The following OC90 variants were observed in gnomAD, a reference collection of about 807,000 sequenced individuals.
OC90 encodes otoconin-90.
Under a neutral mutation model 47.3 loss-of-function variants are expected in OC90, and 46 were observed. The ratio of observed to expected loss-of-function variants is 0.97; its 90% CI spans 0.77 to 1.24. OC90 has a LOEUF of 1.24. Among genes scored for constraint, OC90 ranks in the 50% most tolerant of loss-of-function variants. The pLI is 0.00. For synonymous variants in OC90, 271 were observed against 219.5 expected, an observed-to-expected ratio of 1.23 and a Z score of -2.07; for missense variants, 688 against 583.9, an observed-to-expected ratio of 1.18 and a Z score of -1.84.
At position 132,032,066 on chromosome 8, in the gene OC90, G is replaced by A; in HGVS notation, c.860-14C>T. 1.9e-6 allele frequency: 3 copies of A among 1,612,134 alleles called. No homozygotes were observed. Among genetic ancestry groups the A allele is most frequent in the South Asian group, 1.1e-5 (1 of 90,748 alleles). ...ATCTGTCACAGGCTGAAAGGAACAGGAATTGTCAGGAGAGCAAGGACTGTC... is the reference window on the plus strand; with the variant it reads ...ATCTGTCACAGGCTGAAAGGAACAGAAATTGTCAGGAGAGCAAGGACTGTC... On this transcript the variant is annotated splice_polypyrimidine_tract_variant and intron_variant, in intron 11 of 13. Coordinates refer to ENST00000254627, the MANE Select transcript of OC90 (RefSeq NM_001080399.3).
At chr8:132,046,333 C>A (rs1174236926) in intron 2 of OC90, among the ~76,000 whole-genome samples, 1 of 152,154 alleles carries the variant, frequency 6.6e-6, no homozygotes, top group Non-Finnish European at 1.5e-5. Context: ...GGGATGCAGA[C>A]TCCGTAAACA....
intron 2 of OC90, among the ~76,000 whole-genome samples, chr8:132,048,387 G>A (rs977745243): frequency 4.0e-5 from 6 of 151,842 alleles, no homozygotes; most frequent in Non-Finnish European, 5.9e-5. Flanking sequence ...TCCACAGAAG[G>A]AACTGAGAGC....
intron 2 of OC90, among the ~76,000 whole-genome samples, chr8:132,050,498 T>A (rs2130863463): frequency 6.6e-6 from 1 of 152,268 alleles, no homozygotes; most frequent in Non-Finnish European, 1.5e-5. Flanking sequence ...CACCTCTGCC[T>A]TAAGGATTCT....
In OC90 at chr8:132,043,840, T is replaced by C. The variant is rs1328703803; in HGVS notation, c.169+593A>G. ...TATACAAACAGTTTAAGCACAGCCTTATGCCCAGCATGGCCCGACCCAAAA... is the reference window on the plus strand; with the variant it reads ...TATACAAACAGTTTAAGCACAGCCTCATGCCCAGCATGGCCCGACCCAAAA... On this transcript the variant is annotated intron_variant, in intron 4 of 13. Transcript: ENST00000254627. 3.3e-5 allele frequency among the ~76,000 whole-genome samples: 5 copies of C among 152,378 alleles called. No individual in the cohort carries two copies. In the East Asian group the frequency reaches 7.7e-4, roughly 24 times the overall value.
At chr8:132,057,650 T>C (rs1220532478) in intron 1 of OC90, among the ~76,000 whole-genome samples, 2 of 152,248 alleles carry the variant, frequency 1.3e-5, no homozygotes, top group Admixed American at 1.3e-4. Context: ...GTCAATATTA[T>C]GTATATTTTA....
chr8:132,034,854 G>A lies in OC90; in HGVS notation c.680-20C>T, dbSNP rs1370477346. ...CTGCTTCTGTTCCCCAAAGAAGAGA[G>A]ACAGCATGAGCATCCACCCCAGCCT... On this transcript the variant is annotated intron_variant, in intron 9 of 13. Transcript: ENST00000254627. 2 of 1,605,002 alleles carry A rather than the reference G, an allele frequency of 1.2e-6. No individual in the cohort carries two copies. Among genetic ancestry groups the A allele is most frequent in the South Asian group, 1.1e-5 (1 of 90,620 alleles).
intron 6 of OC90, 114 bp downstream of exon 6, chr8:132,040,930 G>A (rs1284720789): frequency 2.8e-6 from 2 of 711,152 alleles, no homozygotes; most frequent in African/African-American, 1.7e-5. Flanking sequence ...CAACGATGCT[G>A]CCAGTGGTGA....
chr8:132,041,736 G>A (rs148019923), intron 4 of OC90, 37 bp from the exon 5 acceptor site: 10 of 1,368,444 alleles, frequency 7.3e-6, no homozygotes, highest in Non-Finnish European at 1.0e-5. Flanking sequence ...TAAGCACTGG[G>A]AACTAGGACT....
intron 2 of OC90, among the ~76,000 whole-genome samples, chr8:132,049,278 C>A (rs1218761124): frequency 6.8e-6 from 1 of 146,896 alleles, no homozygotes; most frequent in East Asian, 1.9e-4. Flanking sequence ...TCCAGTACTC[C>A]AAACCTTCTG....
chr8:132,031,898 TG>T lies in OC90; in HGVS notation c.1013del (p.Pro338GlnfsTer5). 6.2e-7 allele frequency: 1 copy of T among 1,613,958 alleles called. No individual in the cohort carries two copies. Among genetic ancestry groups the T allele is most frequent in the Non-Finnish European group, 8.5e-7 (1 of 1,179,846 alleles). On this transcript the variant is annotated frameshift_variant, in exon 12 of 14. Coordinates refer to ENST00000254627, the MANE Select transcript of OC90 (RefSeq NM_001080399.3). LOFTEE classifies it high-confidence loss of function. Reference protein sequence around the residue: ...CYCGQEGRGEPRDDLDRCCLS... With the variant: ...CYCGQEGRGEXRDDLDRCCLS... ...CTCCATACCTGTCTAGGTCATCCCT[TG>T]GCTCGCCTCTTCCTTCTTGTCCACA...
intron 13 of OC90, 77 bp from the exon 14 acceptor site, chr8:132,024,853 C>G: frequency 7.7e-7 from 1 of 1,291,768 alleles, no homozygotes; most frequent in Non-Finnish European, 1.1e-6. Flanking sequence ...CCTGGCCACC[C>G]CTCAGCCCTT....
intron 2 of OC90, 39 bp downstream of exon 2, chr8:132,054,942 T>C: frequency 6.8e-7 from 1 of 1,470,718 alleles, no homozygotes; most frequent in Non-Finnish European, 9.2e-7. Context: ...AGTAATTACA[T>C]GCTAAGCTGG....
intron 2 of OC90, among the ~76,000 whole-genome samples, chr8:132,051,974 TTTGTGGCCTAAACAAAACAGGCTGA>T (rs1303976554): frequency 3.3e-5 from 5 of 152,182 alleles, no homozygotes; most frequent in African/African-American, 1.2e-4. Flanking sequence ...AATAAAATGT[TTTGTGGCCTAAACAAAACAGGCTGA>T]TTGTGGTTTG....
intron 2 of OC90, among the ~76,000 whole-genome samples, chr8:132,046,835 A>G (rs1261312081): frequency 1.3e-5 from 2 of 152,230 alleles, no homozygotes; most frequent in African/African-American, 2.4e-5. Context: ...GCCATCCTTC[A>G]CAGAAGCATG....
intron 2 of OC90, among the ~76,000 whole-genome samples, chr8:132,050,698 A>G (rs1262978103): frequency 2.6e-5 from 4 of 152,180 alleles, no homozygotes; most frequent in South Asian, 2.1e-4. Context: ...AAATGACTCA[A>G]TGTATACAAT....
chr8:132,056,272 T>G (rs1823278189), intron 1 of OC90, among the ~76,000 whole-genome samples: 1 of 152,094 alleles, frequency 6.6e-6, no homozygotes, highest in Non-Finnish European at 1.5e-5. Flanking sequence ...CTGCCCCGTA[T>G]TCTGGTGGTC....
chr8:132,034,862 G>A lies in OC90; in HGVS notation c.680-28C>T, dbSNP rs562833698. 2.4e-5 allele frequency: 38 copies of A among 1,591,086 alleles called. No homozygotes were observed. The South Asian group carries it at 3.7e-4, about 15-fold the overall frequency. On this transcript the variant is annotated intron_variant, in intron 9 of 13. Transcript: ENST00000254627. ...GTTCCCCAAAGAAGAGAGACAGCAT[G>A]AGCATCCACCCCAGCCTGTCCCACC...
chr8:132,057,991 A>C (rs764449694), intron 1 of OC90, among the ~76,000 whole-genome samples: 16 of 152,228 alleles, frequency 1.1e-4, no homozygotes, highest in Non-Finnish European at 2.4e-4. Context: ...TAAGCATTCC[A>C]GTGATGACTC....
intron 11 of OC90, 85 bp downstream of exon 11, chr8:132,032,954 G>C: frequency 7.0e-7 from 1 of 1,432,840 alleles, no homozygotes; most frequent in Non-Finnish European, 9.5e-7. Flanking sequence ...GAAGGTCACA[G>C]TGTGAAAAGG....
Sources: allele counts gnomAD v4.1 joint callset (sites outside exome capture counted in the v4.1 genomes callset), GRCh38; gene constraint gnomAD v4.1.1; transcripts MANE v1.5; gene names NCBI Gene and HGNC (gene_info 2026-07-23, HGNC 2026-07-21).